SEC13: variants seen among roughly 807,000 people sequenced by gnomAD.
SEC13 encodes SEC13 homolog, nuclear pore and COPII component.
SEC13 carries 25 observed loss-of-function variants against 49.2 expected under a neutral mutation model. The ratio of observed to expected loss-of-function variants is 0.51; its 90% CI spans 0.37 to 0.71. SEC13 has a LOEUF of 0.71. SEC13 is among the 30% of genes least tolerant of loss of function. The pLI, the probability that SEC13 is intolerant of heterozygous loss-of-function variation, is 0.00. For missense variants in SEC13, 383 were observed against 417.6 expected (o/e 0.92, Z 0.72); for synonymous variants, 148 against 163.9 (o/e 0.90, Z 0.74).
chr3:10,301,289 ACTGATGCTGATACGGAGCC>A lies in SEC13; in HGVS notation c.922_940del (p.Gly308Ter). On this transcript the variant is annotated frameshift_variant, in exon 9 of 9. Coordinates refer to ENST00000350697, the MANE Select transcript of SEC13 (RefSeq NM_183352.3). LOFTEE classifies it high-confidence loss of function. ...CTGCTCGTTCTGCTGGCCCTCTGTC[ACTGATGCTGATACGGAGCC>A]CTGGCCCTTGTTGACATCACTGATG... The A allele has an allele frequency of 6.2e-7, 1 of 1,614,058 alleles. No homozygotes were observed.
chr3:10,304,258 G>T, intron 7 of SEC13, 86 bp from the exon 8 acceptor site: 1 of 1,377,882 alleles, frequency 7.3e-7, no homozygotes. Flanking sequence ...GAGCCACCCG[G>T]CACCTCTCTG....
intron 8 of SEC13, among the ~76,000 whole-genome samples, chr3:10,303,340 C>G (rs1402507842): frequency 6.6e-6 from 1 of 152,266 alleles, no homozygotes; most frequent in Non-Finnish European, 1.5e-5. Flanking sequence ...TAGAGATCCT[C>G]TGTCTTATAG....
chr3:10,317,746 C>A (rs1244983325), intron 2 of SEC13, among the ~76,000 whole-genome samples: 1 of 152,186 alleles, frequency 6.6e-6, no homozygotes, highest in African/African-American at 2.4e-5. Context: ...CCTCCGTACC[C>A]ACTCAGCCTT....
rs1009860898 is a variant in SEC13, at chr3:10,315,155, G to A, written c.164+166C>T. ...CCTTAACAGCATCATCCCTGGGGAC[G>A]TCCGCTGAGGACAGCCAGGCTGGCT... On this transcript the variant is annotated intron_variant, in intron 3 of 8. Coordinates refer to ENST00000350697, the MANE Select transcript of SEC13 (RefSeq NM_183352.3). The A allele has an allele frequency of 9.9e-5, 59 of 593,114 alleles. No homozygotes were observed. The African/African-American group carries it at 1.0e-3, about 10-fold the overall frequency. The allele number at this position is 593,114 out of a possible 1,614,324, so 36.7% of individuals were successfully genotyped here. A position where few individuals can be genotyped will look rare whatever the true frequency, so the allele number is the denominator to read the frequency against.
intron 5 of SEC13, chr3:10,311,654 GGTC>G (rs1701263828): frequency 8.2e-7 from 1 of 1,224,334 alleles, no homozygotes; most frequent in African/African-American, 1.5e-5. Flanking sequence ...CATTCTACAG[GGTC>G]CCAATGACTA....
Position 10,303,160 on chromosome 3 carries a change from G to T in SEC13, c.855+866C>A, listed in dbSNP as rs569266494. The stretch of plus-strand genomic sequence containing the variant: ...GTGCCGTGAGCCACACAAATGAAAG[G>T]TAAGACATGGAGCCAAAGTGGCCAC... On this transcript the variant is annotated intron_variant, in intron 8 of 8. Coordinates refer to ENST00000350697, the MANE Select transcript of SEC13 (RefSeq NM_183352.3). Among the ~76,000 whole-genome samples the T allele has an allele frequency of 3.3e-5, 5 of 152,330 alleles. No individual in the cohort carries two copies. The South Asian group carries it at 1.0e-3, about 32-fold the overall frequency.
At chr3:10,302,482 C>G (rs1385194082) in intron 8 of SEC13, among the ~76,000 whole-genome samples, 1 of 152,254 alleles carries the variant, frequency 6.6e-6, no homozygotes, top group Admixed American at 6.5e-5. Context: ...AGTGACGGGC[C>G]CCACAACACT....
chr3:10,305,214 C>A, intron 6 of SEC13, 58 bp from the exon 7 acceptor site: 1 of 1,545,628 alleles, frequency 6.5e-7, no homozygotes, highest in Non-Finnish European at 8.7e-7. Flanking sequence ...CTCAACTCCT[C>A]CCCAACCCAA....
At chr3:10,318,701 G>A (rs1251341464) in intron 1 of SEC13, among the ~76,000 whole-genome samples, 8 of 152,180 alleles carry the variant, frequency 5.3e-5, no homozygotes, top group Non-Finnish European at 8.8e-5. Context: ...GGTCCGTCAC[G>A]TAGTGGGATC....
At chr3:10,312,836 T>A in intron 3 of SEC13, 106 bp from the exon 4 acceptor site, 1 of 1,145,116 alleles carries the variant, frequency 8.7e-7, no homozygotes, top group Non-Finnish European at 1.3e-6. Flanking sequence ...CAGAATTGCT[T>A]AAGAACTTCA....
At chr3:10,308,090 T>C (rs1700999711) in intron 5 of SEC13, among the ~76,000 whole-genome samples, 1 of 152,242 alleles carries the variant, frequency 6.6e-6, no homozygotes, top group Non-Finnish European at 1.5e-5. Context: ...TGATATAGTA[T>C]AATTGACATA....
intron 5 of SEC13, among the ~76,000 whole-genome samples, chr3:10,308,055 CAA>C (rs1700998123): frequency 6.6e-6 from 1 of 152,196 alleles, no homozygotes; most frequent in Admixed American, 6.5e-5. Flanking sequence ...CCTTTACACT[CAA>C]AAGCTAATTT....
chr3:10,308,921 C>T (rs866342731), intron 5 of SEC13, among the ~76,000 whole-genome samples: 2 of 140,916 alleles, frequency 1.4e-5, no homozygotes, highest in Admixed American at 7.5e-5. Flanking sequence ...TGAGCCATCA[C>T]GCCTGGCCTT....
intron 3 of SEC13, chr3:10,313,441 A>G: frequency 1.9e-6 from 1 of 530,778 alleles, no homozygotes; most frequent in South Asian, 1.4e-5. Flanking sequence ...TCTTTACCTG[A>G]AAATGGAGAC....
At chr3:10,303,906 A>G (rs1298768917) in intron 8 of SEC13, 120 bp downstream of exon 8, 8 of 1,042,854 alleles carry the variant, frequency 7.7e-6, no homozygotes, top group Non-Finnish European at 1.0e-5. Context: ...CTCAAAACGC[A>G]GTCCTGGCTA....
intron 8 of SEC13, among the ~76,000 whole-genome samples, chr3:10,302,404 GGTAAGGGTGC>G (rs1307782689): frequency 6.6e-6 from 1 of 152,196 alleles, no homozygotes; most frequent in African/African-American, 2.4e-5. Flanking sequence ...AAGTCCTTTA[GGTAAGGGTGC>G]TATGGAGACA....
intron 5 of SEC13, among the ~76,000 whole-genome samples, chr3:10,307,581 A>C (rs997022350): frequency 1.3e-5 from 2 of 152,166 alleles, no homozygotes; most frequent in Admixed American, 1.3e-4. Flanking sequence ...AGGGAGAGAG[A>C]GCCTGTGCAG....
intron 4 of SEC13, 34 bp downstream of exon 4, chr3:10,312,545 C>T (rs1277758848): frequency 6.2e-7 from 1 of 1,610,372 alleles, no homozygotes; most frequent in South Asian, 1.1e-5. Context: ...ACCCAGTGGT[C>T]CCCTTGCCCG....
At chr3:10,319,136 TA>T in intron 1 of SEC13, 1 of 1,608,814 alleles carries the variant, frequency 6.2e-7, no homozygotes, top group South Asian at 1.1e-5. Flanking sequence ...AGACATTTCT[TA>T]CCATTTTCCC....
Sources: allele counts gnomAD v4.1 joint callset (sites outside exome capture counted in the v4.1 genomes callset), GRCh38; gene constraint gnomAD v4.1.1; transcripts MANE v1.5; gene names NCBI Gene and HGNC (gene_info 2026-07-23, HGNC 2026-07-21).